Variants in ITGAE observed in about 807,000 individuals in gnomAD.
ITGAE encodes integrin alpha-E.
A neutral mutation model predicts 136.5 loss-of-function variants in ITGAE; 99 were observed. That is an observed-to-expected ratio of 0.73 (90% CI 0.62 to 0.86). The LOEUF is 0.86. ITGAE is among the 40% of genes least tolerant of loss of function. ITGAE has a pLI of 0.00. For synonymous variants in ITGAE, 613 were observed against 591.8 expected (o/e 1.04, Z -0.52); for missense variants, 1,447 against 1,515.3 (o/e 0.95, Z 0.75).
chr17:3,748,344 G>A (rs976326290), intron 16 of ITGAE, among the ~76,000 whole-genome samples: 1 of 152,222 alleles, frequency 6.6e-6, no homozygotes, highest in African/African-American at 2.4e-5. Flanking sequence ...CCCAGCACTT[G>A]GGAGGCCGAG....
intron 8 of ITGAE, among the ~76,000 whole-genome samples, chr17:3,759,147 A>C (rs1231738378): frequency 2.0e-5 from 3 of 151,588 alleles, no homozygotes; most frequent in South Asian, 4.2e-4. Context: ...AAAAAAAAAA[A>C]ACCAGAGCTG....
intron 1 of ITGAE, among the ~76,000 whole-genome samples, chr17:3,794,885 C>T (rs1343444966): frequency 2.0e-5 from 3 of 152,134 alleles, no homozygotes; most frequent in South Asian, 2.1e-4. Flanking sequence ...GAGTGGAGGC[C>T]GCAGAGCAAA....
intron 1 of ITGAE, among the ~76,000 whole-genome samples, chr17:3,781,389 G>C (rs538053723): frequency 6.7e-6 from 1 of 149,974 alleles, no homozygotes; most frequent in African/African-American, 2.5e-5. Context: ...TCGCTGAGCC[G>C]CCCAGGCTGG....
intron 1 of ITGAE, chr17:3,784,230 C>A (rs1348471531): frequency 4.3e-4 from 116 of 268,560 alleles, no homozygotes; most frequent in African/African-American, 1.2e-3. Context: ...ACTGCACTCC[C>A]GCCTGGGCAA....
intron 19 of ITGAE, among the ~76,000 whole-genome samples, chr17:3,741,019 G>A (rs2051572281): frequency 1.3e-5 from 2 of 151,830 alleles, no homozygotes; most frequent in African/African-American, 4.8e-5. Flanking sequence ...AAGTCAAAGC[G>A]TGGCGCTCTC....
chr17:3,740,802 T>C (rs1247516974), intron 19 of ITGAE, among the ~76,000 whole-genome samples: 1 of 152,190 alleles, frequency 6.6e-6, no homozygotes, highest in Non-Finnish European at 1.5e-5. Context: ...AAAATTCCAG[T>C]GTTCTAAAGT....
intron 2 of ITGAE, among the ~76,000 whole-genome samples, 164 bp downstream of exon 2, chr17:3,777,376 C>T (rs1255603167): frequency 6.6e-6 from 1 of 152,236 alleles, no homozygotes; most frequent in Non-Finnish European, 1.5e-5. Flanking sequence ...CCCACAGCCT[C>T]TCTCACACCT....
intron 29 of ITGAE, chr17:3,717,924 A>G (rs1411433938): frequency 1.3e-5 from 2 of 152,204 alleles, no homozygotes; most frequent in African/African-American, 4.8e-5. Context: ...AGTGAAAGGA[A>G]GTCCCAAGGT....
chr17:3,773,297 C>T (rs7216730), intron 2 of ITGAE, among the ~76,000 whole-genome samples: 20,815 of 150,998 alleles, frequency 0.14, 1,833 homozygotes, highest in African/African-American at 0.24. Flanking sequence ...CGAGACCAGC[C>T]TGGCCAACAT....
At chr17:3,774,817 T>C (rs2052503411) in intron 2 of ITGAE, among the ~76,000 whole-genome samples, 1 of 152,118 alleles carries the variant, frequency 6.6e-6, no homozygotes, top group African/African-American at 2.4e-5. Context: ...TGGTGACACA[T>C]GGGAAATTCA....
intron 8 of ITGAE, among the ~76,000 whole-genome samples, chr17:3,758,851 C>G (rs1214089951): frequency 1.3e-5 from 2 of 150,698 alleles, no homozygotes; most frequent in South Asian, 4.3e-4. Context: ...TGAGGCCGGG[C>G]GCGGTGGCTC....
intron 29 of ITGAE, 96 bp downstream of exon 29, chr17:3,720,211 T>C: frequency 1.5e-6 from 1 of 662,684 alleles, no homozygotes; most frequent in East Asian, 2.7e-5. Context: ...GTGTTAAGGC[T>C]GAAAACAGGA....
intron 2 of ITGAE, among the ~76,000 whole-genome samples, chr17:3,776,176 G>C (rs1321331924): frequency 1.3e-5 from 2 of 149,644 alleles, no homozygotes; most frequent in Non-Finnish European, 2.9e-5. Context: ...TCCTGCCTCA[G>C]CCTCCCGAGT....
chr17:3,729,361 C>G (rs878882913), intron 24 of ITGAE, 117 bp downstream of exon 24: 2 of 761,232 alleles, frequency 2.6e-6, no homozygotes, highest in South Asian at 1.4e-5. Context: ...GCAGGCTCCT[C>G]TCAGAAGGAC....
intron 27 of ITGAE, 69 bp from the exon 28 acceptor site, chr17:3,723,452 C>T: frequency 8.4e-7 from 1 of 1,191,656 alleles, no homozygotes; most frequent in Admixed American, 1.7e-5. Context: ...TTTAACACTT[C>T]GGACACAGAG....
At chr17:3,777,897 CT>C (rs991666894) in intron 1 of ITGAE, among the ~76,000 whole-genome samples, 29 of 152,244 alleles carry the variant, frequency 1.9e-4, no homozygotes, top group Admixed American at 1.4e-3. Flanking sequence ...GAAGCCGCCC[CT>C]AGCTCTCCCC....
At chr17:3,723,060 T>C (rs1234433897) in intron 28 of ITGAE, among the ~76,000 whole-genome samples, 2 of 152,176 alleles carry the variant, frequency 1.3e-5, no homozygotes, top group African/African-American at 2.4e-5. Flanking sequence ...CGTGGGGATG[T>C]AGGAAAGAGG....
In ITGAE at chr17:3,745,825, C is replaced by G. The variant is rs2051699264; in HGVS notation, c.2258G>C (p.Arg753Thr). The change falls in exon 18 of 31, where the codon AGG becomes ACG. Residue 753 changes from arginine (R) to threonine (T), a missense_variant. Physicochemically the swap from Arg to Thr is moderately conservative, Grantham distance 71. This residue lies in a region of ITGAE where 1,031 missense variants were observed against 1,011.4 expected (regional missense o/e 1.02). Coordinates refer to ENST00000263087, the MANE Select transcript of ITGAE (RefSeq NM_002208.5). ...AAGCTGGGATCCGCTGCTCCACTCC[C>G]TCAGGCAGCCCAGACAGCTTCTTAC... is the stretch of plus-strand genomic sequence containing the variant. ...SDVRSCLGCL[R>T]EWSSGSQLCE... 1.2e-6 allele frequency: 2 copies of G among 1,614,136 alleles called. No individual in the cohort carries two copies. The highest frequency in any genetic ancestry group is 1.3e-5 in the African/African-American group (1 of 75,050).
In ITGAE at chr17:3,723,975, C is replaced by A. The variant is rs2051133909; in HGVS notation, c.3085-231G>T. The A allele has an allele frequency of 1.9e-6, 3 of 1,577,318 alleles. No individual in the cohort carries two copies. The highest frequency in any genetic ancestry group is 2.6e-6 in the Non-Finnish European group (3 of 1,162,176). ...CCCGGGACCTGGGAGCCGGCTTTTC[C>A]GCACATATGGGGCTGCGGACGGCAG... is the stretch of plus-strand genomic sequence containing the variant. On this transcript the variant is annotated intron_variant, in intron 26 of 30. Coordinates refer to ENST00000263087, the MANE Select transcript of ITGAE (RefSeq NM_002208.5).
Sources: gnomAD v4.1 joint callset for allele counts (sites outside exome capture counted in the v4.1 genomes callset) on GRCh38, gnomAD v4.1.1 for gene constraint, gnomAD v4.1.1 regional missense constraint, MANE v1.5 for transcripts, NCBI Gene and HGNC (gene_info 2026-07-23, HGNC 2026-07-21) for gene names.